Variants in KIAA1549L observed in about 807,000 individuals in gnomAD.
KIAA1549L encodes KIAA1549 like.
Under a neutral mutation model 160.7 loss-of-function variants are expected in KIAA1549L, and 88 were observed. The observed-to-expected ratio is 0.55, with a 90% CI of 0.46 to 0.65. The LOEUF (loss-of-function observed/expected upper bound fraction) is 0.65, where lower values mean the gene tolerates loss of function less well. Ranked by LOEUF, KIAA1549L falls within the 30% of genes least tolerant of loss-of-function variation. The probability of loss-of-function intolerance (pLI) is 0.00; values close to 1 mark genes in which losing one functional copy is unlikely to be tolerated. For synonymous variants in KIAA1549L, 950 were observed against 976.7 expected, an observed-to-expected ratio of 0.97 and a Z score of 0.51; for missense variants, 2,258 against 2,437.5, an observed-to-expected ratio of 0.93 and a Z score of 1.55.
Position 33,667,937 on chromosome 11 carries a change from G to C in KIAA1549L, c.6224G>C (p.Arg2075Thr). The C allele has an allele frequency of 6.2e-7, 1 of 1,613,802 alleles. No individual in the cohort carries two copies. The highest frequency in any genetic ancestry group is 8.5e-7 in the Non-Finnish European group (1 of 1,179,854). ...RSRYPQSSPS[R>T]LPRQYSQPAN... The stretch of plus-strand genomic sequence containing the variant: ...CGGTACCCCCAGAGCTCTCCCTCCA[G>C]GCTTCCTCGTCAGTACAGCCAGCCA... The change falls in exon 21 of 21, where the codon AGG (arginine) becomes ACG (threonine). Residue 2075 changes from arginine (R) to threonine (T), a missense_variant. Coordinates refer to ENST00000658780, the MANE Select transcript of KIAA1549L (RefSeq NM_012194.3).
At chr11:33,406,685 C>G (rs985052002) in intron 1 of KIAA1549L, among the ~76,000 whole-genome samples, 1 of 152,232 alleles carries the variant, frequency 6.6e-6, no homozygotes, top group Admixed American at 6.5e-5. Context: ...CCCCCTAGCC[C>G]TCCGCTGCCT....
intron 16 of KIAA1549L, among the ~76,000 whole-genome samples, chr11:33,640,780 T>G (rs1851561246): frequency 6.6e-6 from 1 of 152,228 alleles, no homozygotes; most frequent in South Asian, 2.1e-4. Context: ...TCGATGAATA[T>G]TTTTAGAATT....
intron 16 of KIAA1549L, among the ~76,000 whole-genome samples, chr11:33,623,322 C>G (rs934397824): frequency 2.6e-5 from 4 of 152,152 alleles, no homozygotes; most frequent in Non-Finnish European, 4.4e-5. Context: ...TTGTTGCCCC[C>G]CTGACCTCGG....
At chr11:33,624,397 A>G (rs1458097717) in intron 16 of KIAA1549L, among the ~76,000 whole-genome samples, 1 of 152,110 alleles carries the variant, frequency 6.6e-6, no homozygotes, top group Non-Finnish European at 1.5e-5. Context: ...CTCCTGGGCC[A>G]CCTATGTCTG....
At chr11:33,467,880 AAAAG>A (rs1337225282) in intron 1 of KIAA1549L, among the ~76,000 whole-genome samples, 1 of 152,044 alleles carries the variant, frequency 6.6e-6, no homozygotes, top group Non-Finnish European at 1.5e-5. Context: ...CTGCAGTTAA[AAAAG>A]AAAGAGAAAA....
At chr11:33,615,005 A>G (rs1850772698) in intron 15 of KIAA1549L, among the ~76,000 whole-genome samples, 1 of 151,946 alleles carries the variant, frequency 6.6e-6, no homozygotes, top group African/African-American at 2.4e-5. Flanking sequence ...TGTCTCCCAC[A>G]CTTTTCCAGT....
At chr11:33,649,532 C>A (rs1485411402) in intron 17 of KIAA1549L, among the ~76,000 whole-genome samples, 3 of 141,318 alleles carry the variant, frequency 2.1e-5, no homozygotes, top group Admixed American at 7.0e-5. Flanking sequence ...AAAAAAGAAG[C>A]AGCAGCAGCA....
At chr11:33,379,398 A>G (rs1349023699) in intron 1 of KIAA1549L, among the ~76,000 whole-genome samples, 1 of 152,062 alleles carries the variant, frequency 6.6e-6, no homozygotes, top group Non-Finnish European at 1.5e-5. Flanking sequence ...TTAGACTCCT[A>G]ACTTCCATCT....
intron 10 of KIAA1549L, among the ~76,000 whole-genome samples, chr11:33,580,332 G>C (rs530746876): frequency 5.5e-4 from 84 of 152,258 alleles, no homozygotes; most frequent in African/African-American, 1.9e-3. Flanking sequence ...CCAGCACTTT[G>C]GGAGGCTGAG....
At chr11:33,508,226 CTCATCGTGCTAG>C (rs1487844715) in intron 1 of KIAA1549L, among the ~76,000 whole-genome samples, 1 of 152,204 alleles carries the variant, frequency 6.6e-6, no homozygotes, top group African/African-American at 2.4e-5. Context: ...GTTATCCAGC[CTCATCGTGCTAG>C]AAGGGGGTTG....
At chr11:33,657,094 G>A (rs1203450517) in intron 18 of KIAA1549L, among the ~76,000 whole-genome samples, 1 of 152,110 alleles carries the variant, frequency 6.6e-6, no homozygotes. Flanking sequence ...TTCTGAACAA[G>A]TAGCAGATGC....
chr11:33,516,648 C>T (rs189526590), intron 1 of KIAA1549L, among the ~76,000 whole-genome samples: 1 of 152,198 alleles, frequency 6.6e-6, no homozygotes, highest in African/African-American at 2.4e-5. Flanking sequence ...AATAAATTCC[C>T]TCCTCTGCCT....
At chr11:33,420,461 A>C (rs1850988844) in intron 1 of KIAA1549L, among the ~76,000 whole-genome samples, 1 of 152,140 alleles carries the variant, frequency 6.6e-6, no homozygotes, top group Non-Finnish European at 1.5e-5. Flanking sequence ...TCCTGGGTCC[A>C]AGTGATCCAC....
At chr11:33,513,040 G>A (rs1565164759) in intron 1 of KIAA1549L, among the ~76,000 whole-genome samples, 1 of 152,090 alleles carries the variant, frequency 6.6e-6, no homozygotes, top group African/African-American at 2.4e-5. Context: ...ATGATGTGGT[G>A]TAATCAACCT....
chr11:33,427,509 A>G (rs1851143576), intron 1 of KIAA1549L, among the ~76,000 whole-genome samples: 1 of 151,996 alleles, frequency 6.6e-6, no homozygotes, highest in Non-Finnish European at 1.5e-5. Context: ...CTTCGCTGCT[A>G]TACTCCCTCC....
intron 6 of KIAA1549L, among the ~76,000 whole-genome samples, chr11:33,553,664 C>G (rs1291318811): frequency 6.7e-6 from 1 of 149,772 alleles, no homozygotes; most frequent in African/African-American, 2.6e-5. Context: ...TGACTCAGCT[C>G]TCTTGTGGGA....
intron 1 of KIAA1549L, among the ~76,000 whole-genome samples, chr11:33,487,890 T>C (rs1565155998): frequency 2.0e-5 from 3 of 152,174 alleles, no homozygotes; most frequent in Admixed American, 2.0e-4. Context: ...ATCTTGGAAA[T>C]GGAATGTTCT....
At chr11:33,416,223 G>T (rs906885685) in intron 1 of KIAA1549L, among the ~76,000 whole-genome samples, 2 of 152,124 alleles carry the variant, frequency 1.3e-5, no homozygotes, top group African/African-American at 4.8e-5. Flanking sequence ...ACGCTCATTG[G>T]TAACTGTTAG....
chr11:33,564,688 C>T (rs1002146135), intron 8 of KIAA1549L, among the ~76,000 whole-genome samples: 1 of 152,216 alleles, frequency 6.6e-6, no homozygotes, highest in Admixed American at 6.5e-5. Context: ...CCAGACCCAG[C>T]AATGGAAAAA....
Sources: allele counts gnomAD v4.1 joint callset (sites outside exome capture counted in the v4.1 genomes callset), GRCh38; gene constraint gnomAD v4.1.1; transcripts MANE v1.5; gene names NCBI Gene and HGNC (gene_info 2026-07-23, HGNC 2026-07-21).